The following MAMDC2 variants were observed in gnomAD, a reference collection of about 807,000 sequenced individuals.
The protein encoded by MAMDC2 is MAM domain containing 2.
Under a neutral mutation model 89.8 loss-of-function variants are expected in MAMDC2, and 57 were observed. That is an observed-to-expected ratio of 0.63 (90% CI 0.51 to 0.79). MAMDC2 has a LOEUF of 0.79. Ranked by LOEUF, MAMDC2 falls within the 30% of genes least tolerant of loss-of-function variation. The pLI, the probability that MAMDC2 is intolerant of heterozygous loss-of-function variation, is 0.00. For synonymous variants in MAMDC2, 313 were observed against 293.4 expected, an observed-to-expected ratio of 1.07 and a Z score of -0.68; for missense variants, 800 against 820.6, an observed-to-expected ratio of 0.97 and a Z score of 0.31.
rs143870423 is a variant in MAMDC2 at position 70,218,592 on chromosome 9, A to G, written c.1907A>G (p.His636Arg). Residue 636 changes from histidine (H) to arginine (R), a missense_variant, in exon 12 of 14, where the codon CAC becomes CGC. By Grantham distance (29) the His-to-Arg change is conservative. Transcript: ENST00000377182. The stretch of plus-strand genomic sequence containing the variant: ...ATTGAATACAGCTGTGAGAGGCAAC[A>G]CCAGGTAAGCCAACAGAGATAAGAA... ...ALIEYSCERQ[H>R]QIIFEAIRGV... 5.6e-6 allele frequency: 9 copies of G among 1,603,890 alleles called. No individual in the cohort carries two copies. The highest frequency in any genetic ancestry group is 1.3e-5 in the African/African-American group (1 of 74,840).
chr9:70,141,855 T>C (rs958136882), intron 8 of MAMDC2, among the ~76,000 whole-genome samples: 3 of 152,100 alleles, frequency 2.0e-5, no homozygotes, highest in Admixed American at 2.0e-4. Context: ...GTTAGTAGGT[T>C]TGTTTGTACA....
intron 11 of MAMDC2, among the ~76,000 whole-genome samples, chr9:70,209,582 C>A (rs1201888570): frequency 8.4e-6 from 1 of 119,426 alleles, no homozygotes; most frequent in African/African-American, 3.2e-5. Context: ...TTTAAAAAAC[C>A]AGCTCCTGGA....
chr9:70,089,415 T>C (rs1326735424), intron 2 of MAMDC2, among the ~76,000 whole-genome samples: 3 of 152,188 alleles, frequency 2.0e-5, no homozygotes, highest in Non-Finnish European at 4.4e-5. Flanking sequence ...ATTTTATGCA[T>C]ATTTGAATTT....
chr9:70,128,770 C>T (rs1463535630), intron 6 of MAMDC2, among the ~76,000 whole-genome samples: 2 of 152,186 alleles, frequency 1.3e-5, no homozygotes, highest in African/African-American at 2.4e-5. Context: ...AGTCCTCTCA[C>T]CTCAGCCTCC....
At chr9:70,163,529 T>G (rs1441628772) in intron 9 of MAMDC2, among the ~76,000 whole-genome samples, 3 of 152,214 alleles carry the variant, frequency 2.0e-5, no homozygotes, top group South Asian at 4.1e-4. Flanking sequence ...GCCTGGCCCA[T>G]ATTTCATCGC....
intron 9 of MAMDC2, among the ~76,000 whole-genome samples, chr9:70,155,261 G>A (rs181013732): frequency 9.9e-5 from 15 of 152,072 alleles, no homozygotes; most frequent in Non-Finnish European, 1.5e-4. Context: ...ATTTTCACTC[G>A]CAAATTTCCA....
chr9:70,126,175 G>A lies in MAMDC2; in HGVS notation c.660G>A (p.Val220=). 6.2e-7 allele frequency: 1 copy of A among 1,612,656 alleles called. No individual in the cohort carries two copies. Among genetic ancestry groups the A allele is most frequent in the Middle Eastern group, 1.7e-4 (1 of 6,060 alleles). Residue 220 remains valine (V), a synonymous_variant, in exon 6 of 14, where the codon GTG becomes GTA. Transcript: ENST00000377182. ...FKSELGHYMY[V]DSVYVKHFQE... is the part of the protein sequence containing the mutation. Reference sequence around the variant, plus strand: ...GATTTTCAGGCCACTACATGTACGTGGACTCAGTTTATGTGAAGCACTTCC... The same window carrying A: ...GATTTTCAGGCCACTACATGTACGTAGACTCAGTTTATGTGAAGCACTTCC...
chr9:70,204,010 C>T (rs1224480841), intron 11 of MAMDC2, among the ~76,000 whole-genome samples: 9 of 148,602 alleles, frequency 6.1e-5, no homozygotes, highest in East Asian at 4.2e-4. Flanking sequence ...AATGTCCTCC[C>T]GTAGCTCAGA....
chr9:70,189,967 C>T (rs2032843920), intron 11 of MAMDC2, among the ~76,000 whole-genome samples: 1 of 151,980 alleles, frequency 6.6e-6, no homozygotes, highest in African/African-American at 2.4e-5. Context: ...ATTAATGATA[C>T]TCTCTATGCA....
intron 9 of MAMDC2, among the ~76,000 whole-genome samples, chr9:70,166,584 C>T (rs934830634): frequency 2.0e-5 from 3 of 152,072 alleles, no homozygotes; most frequent in Admixed American, 2.0e-4. Flanking sequence ...CTGACAATGG[C>T]CAGTTTCCTA....
intron 11 of MAMDC2, 198 bp downstream of exon 11, chr9:70,170,829 C>A: frequency 2.1e-6 from 1 of 479,850 alleles, no homozygotes; most frequent in Non-Finnish European, 3.6e-6. Flanking sequence ...TGCTTATGTA[C>A]ATTGCTGCAG....
chr9:70,124,297 T>C (rs966870753), intron 5 of MAMDC2, among the ~76,000 whole-genome samples: 1 of 152,354 alleles, frequency 6.6e-6, no homozygotes, highest in Admixed American at 6.5e-5. Flanking sequence ...GCTACTAATT[T>C]ACCACTCTCT....
intron 11 of MAMDC2, among the ~76,000 whole-genome samples, chr9:70,199,927 G>C (rs544351485): frequency 3.2e-4 from 49 of 152,194 alleles, no homozygotes; most frequent in African/African-American, 1.1e-3. Context: ...ATTTGTTTGA[G>C]TTCATTGTAG....
At chr9:70,172,522 C>T (rs556279392) in intron 11 of MAMDC2, 4 of 152,850 alleles carry the variant, frequency 2.6e-5, no homozygotes, top group South Asian at 2.1e-4. Context: ...TGAGACCACC[C>T]GCTTCCCTTA....
At chr9:70,044,478 C>A (rs1826688758) in intron 1 of MAMDC2, 106 bp from the exon 2 acceptor site, 3 of 979,908 alleles carry the variant, frequency 3.1e-6, no homozygotes, top group Non-Finnish European at 4.6e-6. Flanking sequence ...CGCCCCCTCC[C>A]GCTCGTCTTT....
At chr9:70,058,837 A>G (rs962732489) in intron 2 of MAMDC2, among the ~76,000 whole-genome samples, 1 of 152,240 alleles carries the variant, frequency 6.6e-6, no homozygotes, top group Non-Finnish European at 1.5e-5. Flanking sequence ...TGAGGAAATG[A>G]GTTCTAACTT....
At chr9:70,221,627 TAA>T (rs1336161174) in intron 12 of MAMDC2, among the ~76,000 whole-genome samples, 1 of 151,564 alleles carries the variant, frequency 6.6e-6, no homozygotes, top group Non-Finnish European at 1.5e-5. Flanking sequence ...TCAAAATAAC[TAA>T]GAGAGTAAAT....
At chr9:70,103,848 A>T (rs1395689868) in intron 2 of MAMDC2, among the ~76,000 whole-genome samples, 1 of 151,922 alleles carries the variant, frequency 6.6e-6, no homozygotes, top group Non-Finnish European at 1.5e-5. Flanking sequence ...AGGGCGTGGC[A>T]GCGTACACCT....
chr9:70,164,101 G>A (rs549018702), intron 9 of MAMDC2, among the ~76,000 whole-genome samples: 2 of 152,272 alleles, frequency 1.3e-5, no homozygotes, highest in East Asian at 3.9e-4. Context: ...TTTTCCCCCA[G>A]TGGACATTTG....
Sources: gnomAD v4.1 joint callset for allele counts (sites outside exome capture counted in the v4.1 genomes callset) on GRCh38, gnomAD v4.1.1 for gene constraint, MANE v1.5 for transcripts, NCBI Gene and HGNC (gene_info 2026-07-23, HGNC 2026-07-21) for gene names.